Variants in CWC27 observed in about 807,000 individuals in gnomAD.
The protein encoded by CWC27 is CWC27 spliceosome associated cyclophilin.
Under a neutral mutation model 63.6 loss-of-function variants are expected in CWC27, and 47 were observed. The ratio of observed to expected loss-of-function variants is 0.74; its 90% CI spans 0.58 to 0.94. The LOEUF (loss-of-function observed/expected upper bound fraction) is 0.94, where lower values mean the gene tolerates loss of function less well. Ranked by LOEUF, CWC27 falls within the 40% of genes least tolerant of loss-of-function variation. CWC27 has a pLI of 0.00. For missense variants in CWC27, 495 were observed against 554.3 expected, an observed-to-expected ratio of 0.89 and a Z score of 1.07; for synonymous variants, 175 against 179.8, an observed-to-expected ratio of 0.97 and a Z score of 0.22.
chr5:64,937,921 CTTT>C (rs1211082437), intron 11 of CWC27, among the ~76,000 whole-genome samples: 8 of 99,290 alleles, frequency 8.1e-5, no homozygotes, highest in Middle Eastern at 6.1e-3. Flanking sequence ...GCAATCTCTG[CTTT>C]TTTTTTTTTT....
chr5:64,888,631 T>C (rs1427317779), intron 11 of CWC27, among the ~76,000 whole-genome samples: 1 of 150,792 alleles, frequency 6.6e-6, no homozygotes, highest in African/African-American at 2.4e-5. Flanking sequence ...CATACTGAAG[T>C]AAGGATGTAA....
At chr5:64,989,577 G>A (rs1002710082) in intron 13 of CWC27, among the ~76,000 whole-genome samples, 1 of 152,188 alleles carries the variant, frequency 6.6e-6, no homozygotes, top group Non-Finnish European at 1.5e-5. Context: ...AATCACAAAA[G>A]GTGATCACCA....
At chr5:64,815,079 C>T (rs1223388143) in intron 10 of CWC27, among the ~76,000 whole-genome samples, 2 of 152,066 alleles carry the variant, frequency 1.3e-5, no homozygotes, top group East Asian at 1.9e-4. Context: ...CTGGATATTC[C>T]TACTCCTCTC....
At chr5:64,886,010 G>C (rs940081629) in intron 11 of CWC27, among the ~76,000 whole-genome samples, 2 of 151,998 alleles carry the variant, frequency 1.3e-5, no homozygotes, top group Non-Finnish European at 2.9e-5. Context: ...TTGGGACTTA[G>C]GTAAACATTT....
At chr5:64,987,950 CTGTAGGTTTG>C in intron 13 of CWC27, among the ~76,000 whole-genome samples, 1 of 152,218 alleles carries the variant, frequency 6.6e-6, no homozygotes, top group Admixed American at 6.5e-5. Context: ...CTTCTTGAAT[CTGTAGGTTTG>C]TGTCTTTCAC....
In CWC27 at chr5:64,915,779, G is replaced by A. The variant is rs547464178; in HGVS notation, c.1042+30233G>A. ...AAGCTTTATAGTAGAAGCTTTACAC[G>A]TATTATTTACTTTAATTCTTACCCA... On this transcript the variant is annotated intron_variant, in intron 11 of 13. Transcript: ENST00000381070. Among the ~76,000 whole-genome samples, 145 of 152,084 alleles carry A rather than the reference G, an allele frequency of 9.5e-4. 1 individual carries two copies. Among genetic ancestry groups the A allele is most frequent in the African/African-American group, 3.3e-3 (139 of 41,498 alleles).
intron 11 of CWC27, among the ~76,000 whole-genome samples, chr5:64,940,508 C>A (rs1045337188): frequency 9.2e-5 from 14 of 152,180 alleles, no homozygotes; most frequent in African/African-American, 3.1e-4. Flanking sequence ...AAATCACCCG[C>A]CTTCTGCATT....
intron 10 of CWC27, among the ~76,000 whole-genome samples, chr5:64,876,536 TC>T (rs1246093165): frequency 6.6e-6 from 1 of 152,120 alleles, no homozygotes; most frequent in Non-Finnish European, 1.5e-5. Context: ...TAACAAGGCC[TC>T]TAAGCAAGTT....
At chr5:64,885,024 A>G (rs1218406499) in intron 10 of CWC27, among the ~76,000 whole-genome samples, 1 of 152,178 alleles carries the variant, frequency 6.6e-6, no homozygotes, top group Non-Finnish European at 1.5e-5. Flanking sequence ...AATGGTAGTC[A>G]CTGGTACCAG....
chr5:64,787,507 C>A (rs1378186952), intron 6 of CWC27, among the ~76,000 whole-genome samples: 1 of 151,650 alleles, frequency 6.6e-6, no homozygotes, highest in Non-Finnish European at 1.5e-5. Flanking sequence ...TTGCATTATG[C>A]AATTTAACTT....
intron 6 of CWC27, 119 bp downstream of exon 6, chr5:64,786,746 G>T: frequency 1.7e-6 from 1 of 600,404 alleles, no homozygotes; most frequent in Non-Finnish European, 2.9e-6. Flanking sequence ...TTGAACCAGA[G>T]AGATATTGGA....
At position 64,769,102 on chromosome 5, in the gene CWC27, C is replaced by T; in HGVS notation, c.-45C>T. The T allele has an allele frequency of 6.3e-7, 1 of 1,581,738 alleles. No individual in the cohort carries two copies. Among genetic ancestry groups the T allele is most frequent in the Non-Finnish European group, 8.7e-7 (1 of 1,152,248 alleles). ...CGGACAGCTTTAGTGGCCGGCCGGC[C>T]GCTCTCATCCCCCGTAAGGAGCAGA... On this transcript the variant is annotated 5_prime_UTR_variant, in exon 1 of 14. Transcript: ENST00000381070.
At chr5:65,012,472 ACT>A (rs1391560619) in intron 13 of CWC27, among the ~76,000 whole-genome samples, 1 of 151,984 alleles carries the variant, frequency 6.6e-6, no homozygotes, top group African/African-American at 2.4e-5. Context: ...GCAATTCCAA[ACT>A]CTGCGTTTAC....
chr5:64,958,651 G>A (rs1748846840), intron 11 of CWC27, among the ~76,000 whole-genome samples: 1 of 152,048 alleles, frequency 6.6e-6, no homozygotes, highest in African/African-American at 2.4e-5. Context: ...AATCCAATCT[G>A]AAAAACTGCA....
chr5:64,998,592 G>A (rs938500299), intron 13 of CWC27, among the ~76,000 whole-genome samples: 6 of 152,032 alleles, frequency 3.9e-5, no homozygotes, highest in South Asian at 2.1e-4. Flanking sequence ...TACAAAAGAC[G>A]TGTTTTAGAG....
chr5:64,844,832 A>C (rs1580667582), intron 10 of CWC27: 1 of 450,814 alleles, frequency 2.2e-6, no homozygotes, highest in Non-Finnish European at 4.5e-6. Flanking sequence ...ACTCTGCCAC[A>C]AAGCAATCCC....
intron 11 of CWC27, among the ~76,000 whole-genome samples, chr5:64,889,359 G>C (rs768994469): frequency 2.0e-5 from 3 of 152,144 alleles, no homozygotes; most frequent in African/African-American, 7.2e-5. Flanking sequence ...TATGGTAACT[G>C]TATTATTTTT....
chr5:64,834,708 C>T (rs1378856740), intron 10 of CWC27, among the ~76,000 whole-genome samples: 2 of 151,728 alleles, frequency 1.3e-5, no homozygotes, highest in African/African-American at 4.8e-5. Context: ...ACTCCAAGGA[C>T]ACATGTGTAT....
chr5:64,913,438 C>G (rs560308875), intron 11 of CWC27, among the ~76,000 whole-genome samples: 5 of 152,054 alleles, frequency 3.3e-5, no homozygotes, highest in Admixed American at 3.3e-4. Context: ...TGTTTTCTTG[C>G]TCAGGTACAA....
Sources: gnomAD v4.1 joint callset for allele counts (sites outside exome capture counted in the v4.1 genomes callset) on GRCh38, gnomAD v4.1.1 for gene constraint, MANE v1.5 for transcripts, NCBI Gene and HGNC (gene_info 2026-07-23, HGNC 2026-07-21) for gene names.